Variants in MAPKAP1 observed in about 807,000 individuals in gnomAD.
MAPKAP1 encodes target of rapamycin complex 2 subunit MAPKAP1.
Under a neutral mutation model 65.7 loss-of-function variants are expected in MAPKAP1, and 20 were observed. The ratio of observed to expected loss-of-function variants is 0.30; its 90% CI spans 0.21 to 0.44. MAPKAP1 has a LOEUF of 0.44. Ranked by LOEUF, MAPKAP1 falls within the 20% of genes least tolerant of loss-of-function variation. The pLI is 1.00. For missense variants in MAPKAP1, 423 were observed against 648.0 expected (o/e 0.65, Z 3.77); for synonymous variants, 222 against 244.3 (o/e 0.91, Z 0.85).
At chr9:125,565,196 T>A (rs930613670) in intron 5 of MAPKAP1, among the ~76,000 whole-genome samples, 2 of 152,242 alleles carry the variant, frequency 1.3e-5, no homozygotes, top group African/African-American at 4.8e-5. Context: ...ATTTATTTCA[T>A]TGAATTGTTT....
At chr9:125,576,362 T>C (rs1386074157) in intron 5 of MAPKAP1, among the ~76,000 whole-genome samples, 1 of 152,318 alleles carries the variant, frequency 6.6e-6, no homozygotes, top group East Asian at 1.9e-4. Context: ...AGGAGTAAAA[T>C]GAGGGATTGG....
Position 125,438,397 on chromosome 9 carries a change from T to C in MAPKAP1, c.*490A>G. The C allele has an allele frequency of 5.0e-6, 2 of 399,138 alleles. No homozygotes were observed. The highest frequency in any genetic ancestry group is 4.4e-6 in the Non-Finnish European group (1 of 226,186). The allele number at this position is 399,138 out of a possible 1,614,324, so 24.7% of individuals were successfully genotyped here. A position where few individuals can be genotyped will look rare whatever the true frequency, so the allele number is the denominator to read the frequency against. ...TAGCTTTTCCAATCTGCCTGTTCAA[T>C]ATGGGAACAGATTTTAAAGAGAGTA... On this transcript the variant is annotated 3_prime_UTR_variant, in exon 12 of 12. Transcript: ENST00000265960.
intron 4 of MAPKAP1, among the ~76,000 whole-genome samples, chr9:125,652,492 C>CGGAA (rs1833922947): frequency 6.6e-6 from 1 of 152,016 alleles, no homozygotes; most frequent in South Asian, 2.1e-4. Flanking sequence ...ATGAATTATC[C>CGGAA]CTTCCCCCAT....
At chr9:125,521,729 G>C (rs1829623411) in intron 7 of MAPKAP1, 4 of 1,612,702 alleles carry the variant, frequency 2.5e-6, no homozygotes, top group Non-Finnish European at 3.4e-6. Context: ...ACACAGCCTT[G>C]ACAGCCAGTG....
intron 6 of MAPKAP1, among the ~76,000 whole-genome samples, chr9:125,546,032 G>T (rs1386328551): frequency 6.6e-6 from 1 of 152,202 alleles, no homozygotes; most frequent in East Asian, 1.9e-4. Flanking sequence ...AATGATAAGT[G>T]AACCACCCGT....
At chr9:125,628,534 G>A (rs144096169) in intron 4 of MAPKAP1, among the ~76,000 whole-genome samples, 44 of 152,242 alleles carry the variant, frequency 2.9e-4, no homozygotes, top group African/African-American at 1.0e-3. Flanking sequence ...ACAAAAGAAC[G>A]AAGGTGAATC....
At chr9:125,603,748 G>A (rs891551653) in intron 4 of MAPKAP1, among the ~76,000 whole-genome samples, 1 of 151,976 alleles carries the variant, frequency 6.6e-6, no homozygotes, top group Middle Eastern at 3.4e-3. Flanking sequence ...GGATTTCCTC[G>A]GAAGGCTGCT....
chr9:125,672,865 G>C (rs1039946531), intron 1 of MAPKAP1, among the ~76,000 whole-genome samples: 1 of 152,174 alleles, frequency 6.6e-6, no homozygotes, highest in South Asian at 2.1e-4. Flanking sequence ...AGAAAGGAAG[G>C]CTTGCACTCT....
intron 5 of MAPKAP1, among the ~76,000 whole-genome samples, chr9:125,576,463 A>C (rs10986808): frequency 6.6e-6 from 1 of 152,046 alleles, no homozygotes; most frequent in Non-Finnish European, 1.5e-5. Flanking sequence ...AAATTTTTTT[A>C]AAAAAACGAA....
chr9:125,490,533 C>A (rs1193985315), intron 8 of MAPKAP1, among the ~76,000 whole-genome samples: 1 of 152,036 alleles, frequency 6.6e-6, no homozygotes, highest in Non-Finnish European at 1.5e-5. Flanking sequence ...GAACGAAACT[C>A]TGTCTCAAAA....
At chr9:125,621,146 C>T (rs1397999858) in intron 4 of MAPKAP1, among the ~76,000 whole-genome samples, 1 of 152,008 alleles carries the variant, frequency 6.6e-6, no homozygotes, top group Non-Finnish European at 1.5e-5. Flanking sequence ...GTGGCATGTG[C>T]CTGTAGTCCC....
rs1478303688 is a variant in MAPKAP1, at chr9:125,437,543, C to G, written c.*1344G>C. ...TACAGATAGCAAGCTACAAATATTT[C>G]TTTTGTTTTTGGGTGGGGGGTAGGA... On this transcript the variant is annotated 3_prime_UTR_variant, in exon 12 of 12. Coordinates refer to ENST00000265960, the MANE Select transcript of MAPKAP1 (RefSeq NM_001006617.3). The G allele has an allele frequency of 6.6e-6, 1 of 152,372 alleles. No individual in the cohort carries two copies. Among genetic ancestry groups the G allele is most frequent in the Non-Finnish European group, 1.5e-5 (1 of 67,980 alleles). The allele number at this position is 152,372 out of a possible 1,614,324, so 9.4% of individuals were successfully genotyped here.
intron 9 of MAPKAP1, among the ~76,000 whole-genome samples, chr9:125,479,015 T>C (rs940188410): frequency 3.3e-5 from 5 of 152,190 alleles, no homozygotes; most frequent in African/African-American, 1.2e-4. Flanking sequence ...TCAGACAGTC[T>C]TGGATTCTTA....
chr9:125,571,575 G>A (rs188746210), intron 5 of MAPKAP1, among the ~76,000 whole-genome samples: 156 of 152,260 alleles, frequency 1.0e-3, no homozygotes, highest in South Asian at 4.8e-3. Flanking sequence ...CTGCTGATCC[G>A]GCCAGGTGCA....
chr9:125,464,553 T>C (rs769416372), intron 10 of MAPKAP1, among the ~76,000 whole-genome samples: 7 of 152,240 alleles, frequency 4.6e-5, no homozygotes, highest in Non-Finnish European at 8.8e-5. Context: ...TAAGAATTCA[T>C]ATTTATATGT....
intron 5 of MAPKAP1, among the ~76,000 whole-genome samples, chr9:125,577,584 T>C (rs369809138): frequency 5.5e-5 from 1 of 18,036 alleles, no homozygotes; most frequent in African/African-American, 2.4e-4. Flanking sequence ...CCCCCCGCCC[T>C]GCCAGCCGCC....
chr9:125,471,561 A>C (rs1224045260), intron 9 of MAPKAP1: 1 of 152,398 alleles, frequency 6.6e-6, no homozygotes, highest in Non-Finnish European at 1.5e-5. Context: ...AGGTTGTGGA[A>C]GCCAGGCTAG....
At chr9:125,524,312 G>A (rs926887128) in intron 7 of MAPKAP1, among the ~76,000 whole-genome samples, 3 of 152,316 alleles carry the variant, frequency 2.0e-5, no homozygotes, top group African/African-American at 7.2e-5. Flanking sequence ...TCTCTAAGTG[G>A]GGAATGATGA....
At chr9:125,561,401 CTG>C (rs1830888147) in intron 5 of MAPKAP1, among the ~76,000 whole-genome samples, 1 of 152,172 alleles carries the variant, frequency 6.6e-6, no homozygotes, top group South Asian at 2.1e-4. Context: ...TTAATGGAAA[CTG>C]TAAATTTGCT....
Sources: gnomAD v4.1 joint callset for allele counts (sites outside exome capture counted in the v4.1 genomes callset) on GRCh38, gnomAD v4.1.1 for gene constraint, MANE v1.5 for transcripts, NCBI Gene and HGNC (gene_info 2026-07-23, HGNC 2026-07-21) for gene names.